PRDM16: variants seen among roughly 807,000 people sequenced by gnomAD.
The protein encoded by PRDM16 is histone-lysine N-methyltransferase PRDM16.
Under a neutral mutation model 110.6 loss-of-function variants are expected in PRDM16, and 23 were observed. That is an observed-to-expected ratio of 0.21 (90% CI 0.15 to 0.29). PRDM16 has a LOEUF of 0.29. Ranked by LOEUF, PRDM16 falls within the 10% of genes least tolerant of loss-of-function variation. The pLI, the probability that PRDM16 is intolerant of heterozygous loss-of-function variation, is 1.00. For synonymous variants in PRDM16, 799 were observed against 781.8 expected (o/e 1.02, Z -0.37); for missense variants, 1,615 against 1,794.3 (o/e 0.90, Z 1.81).
intron 1 of PRDM16, among the ~76,000 whole-genome samples, chr1:3,128,675 C>T (rs1268167481): frequency 4.8e-5 from 3 of 62,652 alleles, no homozygotes; most frequent in Non-Finnish European, 9.2e-5. Context: ...TTCCTCCCAC[C>T]ATGCTACTGG....
chr1:3,202,872 C>T (rs1471477367), intron 2 of PRDM16, among the ~76,000 whole-genome samples: 1 of 152,184 alleles, frequency 6.6e-6, no homozygotes, highest in African/African-American at 2.4e-5. Flanking sequence ...TTGCTGGCCC[C>T]ACCCAACTCC....
intron 1 of PRDM16, among the ~76,000 whole-genome samples, chr1:3,126,525 G>A (rs182758776): frequency 2.0e-3 from 300 of 152,314 alleles, no homozygotes; most frequent in Non-Finnish European, 3.7e-3. Context: ...CCCTGCTGCG[G>A]TTCCTGGAAT....
In PRDM16 at chr1:3,156,150, C is replaced by T. The variant is rs985925903; in HGVS notation, c.38-29975C>T. ...CCTTGCTAATATATCTCGTTGATTT[C>T]CTCTCCCATTTATTTAGATAACCTA... is the stretch of plus-strand genomic sequence containing the variant. On this transcript the variant is annotated intron_variant, in intron 1 of 16. Transcript: ENST00000270722. 3.3e-5 allele frequency among the ~76,000 whole-genome samples: 5 copies of T among 152,224 alleles called. 1 individual carries two copies. The highest frequency in any genetic ancestry group is 1.5e-5 in the Non-Finnish European group (1 of 68,024).
chr1:3,368,583 C>A (rs1443340728), intron 3 of PRDM16, among the ~76,000 whole-genome samples: 1 of 152,248 alleles, frequency 6.6e-6, no homozygotes, highest in Non-Finnish European at 1.5e-5. Context: ...GCACAAGGCC[C>A]TCCTCTTGAG....
rs1643989692 is a variant in PRDM16, at chr1:3,168,605, C to T, written c.38-17520C>T. Among the ~76,000 whole-genome samples the T allele has an allele frequency of 2.7e-5, 4 of 147,248 alleles. No homozygotes were observed. The South Asian group carries it at 9.2e-4, about 34-fold the overall frequency. ...ACCCCCGCCCCTCGCCCTTTCATAC[C>T]CTGGTTTAGATCAGACCGAAATACA... On this transcript the variant is annotated intron_variant, in intron 1 of 16. Transcript: ENST00000270722.
Position 3,321,370 on chromosome 1 carries a change from G to T in PRDM16, c.439-63782G>T, listed in dbSNP as rs533189442. Among the ~76,000 whole-genome samples, 89 of 135,858 alleles carry T rather than the reference G, an allele frequency of 6.6e-4. 1 individual carries two copies. The South Asian group carries it at 0.021, about 32-fold the overall frequency. The allele number at this position is 135,858 out of a possible 152,430, so 89.1% of individuals were successfully genotyped here. On this transcript the variant is annotated intron_variant, in intron 3 of 16. Transcript: ENST00000270722. ...TGTGTGGGTCTGTGTGTGACTATGT[G>T]CATTTGTGTGTGGGTCTCTGTGAGT...
intron 3 of PRDM16, among the ~76,000 whole-genome samples, chr1:3,288,172 G>C (rs1184572151): frequency 1.3e-5 from 2 of 152,224 alleles, no homozygotes; most frequent in Non-Finnish European, 2.9e-5. Context: ...CCTGGCAGAG[G>C]TGCCAGATAA....
rs571126636 is a variant in PRDM16 at position 3,267,979 on chromosome 1, C to T, written c.438+23842C>T. The stretch of plus-strand genomic sequence containing the variant: ...TTGTTGTGACAGGGGGTGGATCTGC[C>T]TGCCGTTCGCAAGCAACGCGGGTGC... On this transcript the variant is annotated intron_variant, in intron 3 of 16. Coordinates refer to ENST00000270722, the MANE Select transcript of PRDM16 (RefSeq NM_022114.4). 9.2e-5 allele frequency among the ~76,000 whole-genome samples: 14 copies of T among 152,366 alleles called. No homozygotes were observed. The East Asian group carries it at 9.6e-4, about 10-fold the overall frequency.
intron 8 of PRDM16, among the ~76,000 whole-genome samples, chr1:3,406,664 G>A (rs1356883033): frequency 6.6e-6 from 1 of 152,136 alleles, no homozygotes; most frequent in African/African-American, 2.4e-5. Flanking sequence ...GATGTCCTGA[G>A]CCCAGGAATT....
At chr1:3,313,467 G>C (rs929711402) in intron 3 of PRDM16, among the ~76,000 whole-genome samples, 1 of 152,098 alleles carries the variant, frequency 6.6e-6, no homozygotes, top group Admixed American at 6.5e-5. Context: ...CAGTGTCCGA[G>C]GCTCTGCCGT....
At chr1:3,212,192 G>A (rs997064466) in intron 2 of PRDM16, among the ~76,000 whole-genome samples, 1 of 152,190 alleles carries the variant, frequency 6.6e-6, no homozygotes, top group Non-Finnish European at 1.5e-5. Flanking sequence ...AAAGGGGCCA[G>A]TGCGCACAAA....
chr1:3,164,355 C>T (rs1489538005), intron 1 of PRDM16, among the ~76,000 whole-genome samples: 1 of 152,226 alleles, frequency 6.6e-6, no homozygotes, highest in Non-Finnish European at 1.5e-5. Flanking sequence ...TTTTTAGAAA[C>T]ATGATGGATG....
intron 10 of PRDM16, among the ~76,000 whole-genome samples, chr1:3,415,105 C>G (rs964940644): frequency 1.5e-4 from 23 of 152,166 alleles, no homozygotes; most frequent in African/African-American, 5.3e-4. Context: ...TGGAGCCAGG[C>G]CCCAGGGAGG....
intron 1 of PRDM16, among the ~76,000 whole-genome samples, chr1:3,114,457 ACG>A (rs1557456967): frequency 6.8e-6 from 1 of 146,810 alleles, no homozygotes; most frequent in Non-Finnish European, 1.5e-5. Flanking sequence ...ACGCACACAC[ACG>A]CACACACGCA....
intron 3 of PRDM16, among the ~76,000 whole-genome samples, chr1:3,275,865 C>T (rs912846475): frequency 9.9e-5 from 15 of 152,212 alleles, no homozygotes; most frequent in African/African-American, 3.1e-4. Context: ...AGTCTCTTCT[C>T]GTGGGGCCAG....
intron 1 of PRDM16, among the ~76,000 whole-genome samples, chr1:3,130,837 C>T (rs1429471082): frequency 4.0e-5 from 6 of 151,548 alleles, no homozygotes; most frequent in South Asian, 2.1e-4. Flanking sequence ...GCTGCCGGCA[C>T]ACGGTTCTGG....
chr1:3,283,884 T>A (rs993451400), intron 3 of PRDM16, among the ~76,000 whole-genome samples: 1 of 152,260 alleles, frequency 6.6e-6, no homozygotes, highest in Non-Finnish European at 1.5e-5. Context: ...GGTTAGGATC[T>A]GCAGGAGCCC....
intron 2 of PRDM16, among the ~76,000 whole-genome samples, chr1:3,229,038 C>G (rs1569883268): frequency 6.6e-6 from 1 of 152,246 alleles, no homozygotes; most frequent in African/African-American, 2.4e-5. Flanking sequence ...CAAGATGAGC[C>G]TTCCTGGGTG....
At chr1:3,205,556 T>C (rs948966890) in intron 2 of PRDM16, among the ~76,000 whole-genome samples, 3 of 152,142 alleles carry the variant, frequency 2.0e-5, no homozygotes, top group Admixed American at 2.0e-4. Flanking sequence ...CATAGGAAAA[T>C]AAATACTTAA....
Sources: allele counts gnomAD v4.1 joint callset (sites outside exome capture counted in the v4.1 genomes callset), GRCh38; gene constraint gnomAD v4.1.1; transcripts MANE v1.5; gene names NCBI Gene and HGNC (gene_info 2026-07-23, HGNC 2026-07-21).